DST: variants seen among roughly 807,000 people sequenced by gnomAD.
DST encodes bullous pemphigoid antigen.
DST carries 253 observed loss-of-function variants against 875.2 expected under a neutral mutation model. The ratio of observed to expected loss-of-function variants is 0.29; its 90% confidence interval spans 0.26 to 0.32. The LOEUF (loss-of-function observed/expected upper bound fraction) is 0.32, where lower values mean the gene tolerates loss of function less well. DST is among the 10% of genes least tolerant of loss of function. The probability of loss-of-function intolerance (pLI) is 1.00; values close to 1 mark genes in which losing one functional copy is unlikely to be tolerated. For synonymous variants in DST, 3,124 were observed against 3,197.1 expected, an observed-to-expected ratio of 0.98 and a Z score of 0.77; for missense variants, 8,287 against 9,111.6, an observed-to-expected ratio of 0.91 and a Z score of 3.68.
In DST at chr6:56,629,257, C is replaced by G. The variant is rs746511762; in HGVS notation, c.4468G>C (p.Asp1490His). 1.9e-6 allele frequency: 3 copies of G among 1,613,556 alleles called. No homozygotes were observed. The South Asian group carries it at 3.3e-5, about 18-fold the overall frequency. Residue 1490 changes from aspartate (D) to histidine (H), a missense_variant, in exon 32 of 104, where the codon GAC becomes CAC. This residue lies in a region of DST where 3,138 missense variants were observed against 3,116.6 expected (regional missense o/e 1.01). Transcript: ENST00000680361. ...ACAAAAAAGGATACTAACCTGTTGT[C>G]AATCTGCACATGAACATTTTGCCAC... is the stretch of plus-strand genomic sequence containing the variant. ...ERWQNVHVQI[D>H]NRLRDLEGIG...
chr6:56,760,726 G>C (rs750569900), intron 4 of DST, among the ~76,000 whole-genome samples: 4 of 152,154 alleles, frequency 2.6e-5, no homozygotes, highest in Non-Finnish European at 4.4e-5. Context: ...ATAAAAGGTA[G>C]CATTTGCTGA....
intron 36 of DST, chr6:56,615,031 A>G: frequency 4.0e-6 from 4 of 1,004,072 alleles, no homozygotes; most frequent in Non-Finnish European, 4.8e-6. Context: ...ATATACAGAA[A>G]AAGGCAAAAC....
chr6:56,745,829 T>G, intron 4 of DST, among the ~76,000 whole-genome samples: 1 of 152,092 alleles, frequency 6.6e-6, no homozygotes, highest in East Asian at 1.9e-4. Flanking sequence ...AACAAAAATA[T>G]GGGGTAATAC....
intron 2 of DST, among the ~76,000 whole-genome samples, chr6:56,951,131 C>A (rs569965864): frequency 6.6e-6 from 1 of 152,152 alleles, no homozygotes; most frequent in Non-Finnish European, 1.5e-5. Context: ...CCTTCCTGGG[C>A]GTGTGGGTAC....
chr6:56,743,468 TA>T (rs2099555304), intron 4 of DST, among the ~76,000 whole-genome samples: 1 of 152,220 alleles, frequency 6.6e-6, no homozygotes. Context: ...ATCTGCTTAG[TA>T]AATAGCCCTT....
chr6:56,653,609 CA>C (rs1426557749), intron 10 of DST, among the ~76,000 whole-genome samples: 2 of 152,088 alleles, frequency 1.3e-5, no homozygotes, highest in Non-Finnish European at 2.9e-5. Flanking sequence ...CACTTGAACC[CA>C]GGAGGCAGAG....
intron 2 of DST, among the ~76,000 whole-genome samples, chr6:56,920,944 A>G (rs1424860229): frequency 2.4e-5 from 3 of 123,160 alleles, no homozygotes; most frequent in Non-Finnish European, 4.8e-5. Context: ...GGGTTTCCCT[A>G]CGTTGCCCAG....
chr6:56,941,239 T>C (rs1045420613), intron 2 of DST, among the ~76,000 whole-genome samples: 4 of 152,294 alleles, frequency 2.6e-5, no homozygotes, highest in Non-Finnish European at 5.9e-5. Flanking sequence ...TGAGATACTG[T>C]GTTTTCATTA....
At chr6:56,622,963 TCA>T (rs541552192) in intron 36 of DST, among the ~76,000 whole-genome samples, 246 of 152,336 alleles carry the variant, frequency 1.6e-3, no homozygotes, top group African/African-American at 5.3e-3. Context: ...TCTTCAAACC[TCA>T]GTTGCAGAAA....
chr6:56,505,145 T>C (rs554456127), intron 77 of DST, among the ~76,000 whole-genome samples: 4 of 152,346 alleles, frequency 2.6e-5, no homozygotes, highest in Non-Finnish European at 5.9e-5. Flanking sequence ...TCTTGAAAAT[T>C]AGCATCCAGA....
At chr6:56,948,610 A>C (rs550474725) in intron 2 of DST, among the ~76,000 whole-genome samples, 101 of 152,334 alleles carry the variant, frequency 6.6e-4, no homozygotes, top group African/African-American at 2.2e-3. Flanking sequence ...CGGGTAACTG[A>C]AGCCATGAAA....
intron 4 of DST, among the ~76,000 whole-genome samples, chr6:56,764,318 G>A (rs1170705548): frequency 1.3e-5 from 2 of 152,042 alleles, no homozygotes; most frequent in Non-Finnish European, 2.9e-5. Flanking sequence ...CCACTGTAAG[G>A]GCAAATACCA....
Position 56,843,152 on chromosome 6 carries a change from G to A in DST, c.625+8245C>T, listed in dbSNP as rs1278186450. ...GGGAGAGGTAACCCGCCATGCCGAA[G>A]TTTATCTAAGCGATGACTGACAAAT... On this transcript the variant is annotated intron_variant, in intron 4 of 103. Transcript: ENST00000680361. 4.5e-6 allele frequency: 7 copies of A among 1,562,564 alleles called. 1 individual carries two copies. In the African/African-American group the frequency reaches 9.4e-5, roughly 21 times the overall value.
chr6:56,497,733 T>C lies in DST; in HGVS notation c.20094+123A>G, dbSNP rs1180504780. 3 of 1,015,338 alleles carry C rather than the reference T, an allele frequency of 3.0e-6. No homozygotes were observed. The Admixed American group carries it at 8.7e-5, about 29-fold the overall frequency. The allele number at this position is 1,015,338 out of a possible 1,614,324, so 62.9% of individuals were successfully genotyped here. A position where few individuals can be genotyped will look rare whatever the true frequency, so the allele number is the denominator to read the frequency against. Reference sequence around the variant, plus strand: ...TCTGCTGTTCTGTTCTTTATTTCACTTATTTTTACTCCTCTCCTTAAGGTA... The same window carrying C: ...TCTGCTGTTCTGTTCTTTATTTCACCTATTTTTACTCCTCTCCTTAAGGTA... On this transcript the variant is annotated intron_variant, in intron 81 of 103. Coordinates refer to ENST00000680361, the MANE Select transcript of DST (RefSeq NM_001374736.1).
At chr6:56,835,253 T>C (rs1357851563) in intron 4 of DST, among the ~76,000 whole-genome samples, 4 of 152,198 alleles carry the variant, frequency 2.6e-5, no homozygotes, top group African/African-American at 9.7e-5. Flanking sequence ...CTGTATGATA[T>C]TACAATAATA....
chr6:56,522,506 G>C (rs1429212661), intron 69 of DST, among the ~76,000 whole-genome samples: 2 of 152,080 alleles, frequency 1.3e-5, no homozygotes, highest in African/African-American at 2.4e-5. Flanking sequence ...CTTCCACTTT[G>C]CTTGTCTTTA....
At chr6:56,504,933 C>G (rs186485821) in intron 77 of DST, among the ~76,000 whole-genome samples, 122 of 152,236 alleles carry the variant, frequency 8.0e-4, no homozygotes, top group Non-Finnish European at 1.4e-3. Context: ...CTATGTTTCC[C>G]AGGCTGATCT....
intron 4 of DST, among the ~76,000 whole-genome samples, chr6:56,761,823 A>C (rs543859783): frequency 3.4e-4 from 51 of 152,234 alleles, no homozygotes; most frequent in Non-Finnish European, 6.6e-4. Context: ...AAGAACTTAC[A>C]TCACAATCAC....
At chr6:56,544,174 A>C (rs1352492262) in intron 61 of DST, among the ~76,000 whole-genome samples, 2 of 152,224 alleles carry the variant, frequency 1.3e-5, no homozygotes, top group East Asian at 3.9e-4. Flanking sequence ...TGAACAGTGG[A>C]TTGGGCACTA....
Sources: allele counts gnomAD v4.1 joint callset (sites outside exome capture counted in the v4.1 genomes callset), GRCh38; gene constraint gnomAD v4.1.1; regional missense constraint gnomAD v4.1.1; transcripts MANE v1.5; gene names NCBI Gene and HGNC (gene_info 2026-07-23, HGNC 2026-07-21).